Variants in ZNF536 observed in about 807,000 individuals in gnomAD.
ZNF536 encodes zinc finger protein 536.
Under a neutral mutation model 84.5 loss-of-function variants are expected in ZNF536, and 13 were observed. The observed-to-expected ratio is 0.15, with a 90% CI of 0.10 to 0.24. The LOEUF (loss-of-function observed/expected upper bound fraction) is 0.24, where lower values mean the gene tolerates loss of function less well. ZNF536 is among the 10% of genes least tolerant of loss of function. ZNF536 has a pLI of 1.00. For missense variants in ZNF536, 1,536 were observed against 1,747.5 expected, an observed-to-expected ratio of 0.88 and a Z score of 2.16; for synonymous variants, 811 against 742.5, an observed-to-expected ratio of 1.09 and a Z score of -1.50.
At chr19:30,674,760 C>G (rs549935080) in intron 1 of ZNF536, among the ~76,000 whole-genome samples, 3 of 152,290 alleles carry the variant, frequency 2.0e-5, no homozygotes, top group African/African-American at 7.2e-5. Flanking sequence ...ATAAAAGCCT[C>G]CTGTATAGTG....
At chr19:30,612,313 G>T (rs536169673) in intron 1 of ZNF536, among the ~76,000 whole-genome samples, 3 of 152,178 alleles carry the variant, frequency 2.0e-5, no homozygotes, top group Admixed American at 2.0e-4. Context: ...TTGGATATAA[G>T]TAATTAGATT....
At chr19:30,368,436 C>T (rs560318924), upstream of ZNF536, among the ~76,000 whole-genome samples, 4 of 152,256 alleles carry the variant, frequency 2.6e-5, no homozygotes, top group South Asian at 8.3e-4. Context: ...TTGCCTTTGC[C>T]CTTTGCAACT....
intron 1 of ZNF536, among the ~76,000 whole-genome samples, chr19:30,632,126 TGTGA>T (rs1207109239): frequency 1.3e-5 from 2 of 152,206 alleles, no homozygotes; most frequent in Non-Finnish European, 2.9e-5. Flanking sequence ...AACTATTAAC[TGTGA>T]GTAATAGTTC....
chr19:30,385,164 T>C (rs185646849), intron 1 of ZNF536, among the ~76,000 whole-genome samples: 25 of 152,064 alleles, frequency 1.6e-4, no homozygotes, highest in African/African-American at 5.5e-4. Flanking sequence ...TCCTTCTCTT[T>C]CATTCAGGGT....
At chr19:30,646,790 G>A (rs1484034023) in intron 1 of ZNF536, among the ~76,000 whole-genome samples, 6 of 152,184 alleles carry the variant, frequency 3.9e-5, no homozygotes, top group East Asian at 1.9e-4. Flanking sequence ...CCTGCCCTCC[G>A]ACGTTACACC....
chr19:30,396,592 C>CTTTTTTTTTTT (rs386388859), intron 1 of ZNF536, among the ~76,000 whole-genome samples: 1 of 112,402 alleles, frequency 8.9e-6, no homozygotes, highest in Non-Finnish European at 1.8e-5. Context: ...AGGGCTCTCT[C>CTTTTTTTTTTT]TTTTTTTTTT....
chr19:30,710,097 G>A (rs1314198200), intron 1 of ZNF536, among the ~76,000 whole-genome samples: 1 of 152,154 alleles, frequency 6.6e-6, no homozygotes, highest in African/African-American at 2.4e-5. Context: ...AGGAATATTT[G>A]TTTCCTGTCT....
intron 1 of ZNF536, among the ~76,000 whole-genome samples, chr19:30,234,286 G>A (rs1269837876): frequency 6.6e-6 from 1 of 152,098 alleles, no homozygotes; most frequent in African/African-American, 2.4e-5. Context: ...CTGGCTCCTG[G>A]GGAGTATATT....
At chr19:30,656,221 T>C (rs1282592669) in intron 1 of ZNF536, among the ~76,000 whole-genome samples, 1 of 152,196 alleles carries the variant, frequency 6.6e-6, no homozygotes, top group African/African-American at 2.4e-5. Flanking sequence ...CCTGGTCTTC[T>C]GAATTGGGAA....
chr19:30,611,212 A>T (rs2048095073), intron 1 of ZNF536, among the ~76,000 whole-genome samples: 1 of 152,148 alleles, frequency 6.6e-6, no homozygotes, highest in Non-Finnish European at 1.5e-5. Flanking sequence ...CTCCAAGATG[A>T]TGGGAAGCAG....
At chr19:30,494,251 G>C (rs2054624067) in intron 2 of ZNF536, among the ~76,000 whole-genome samples, 1 of 152,190 alleles carries the variant, frequency 6.6e-6, no homozygotes, top group African/African-American at 2.4e-5. Flanking sequence ...AGGCCCCTGG[G>C]ATGAGAAGTT....
chr19:30,495,585 C>G (rs1202239582), intron 2 of ZNF536, among the ~76,000 whole-genome samples: 1 of 152,200 alleles, frequency 6.6e-6, no homozygotes, highest in South Asian at 2.1e-4. Flanking sequence ...CAAATACAAC[C>G]TCTTATACAC....
intron 2 of ZNF536, among the ~76,000 whole-genome samples, chr19:30,486,686 C>T (rs1258430040): frequency 6.6e-6 from 1 of 152,182 alleles, no homozygotes; most frequent in African/African-American, 2.4e-5. Flanking sequence ...CACTGACTTC[C>T]TCAATGGGTG....
intron 1 of ZNF536, among the ~76,000 whole-genome samples, chr19:30,379,373 G>A (rs958056658): frequency 8.6e-5 from 13 of 151,990 alleles, no homozygotes; most frequent in African/African-American, 2.4e-4. Context: ...TTCTTTGAGC[G>A]TCAGTCATGG....
chr19:30,601,382 G>A (rs922562570), intron 1 of ZNF536, among the ~76,000 whole-genome samples: 10 of 152,166 alleles, frequency 6.6e-5, no homozygotes, highest in Admixed American at 3.3e-4. Flanking sequence ...CGTGAGTCAC[G>A]TGGGCAGCAG....
chr19:30,358,720 G>A (rs1437191920), intron 3 of ZNF536, among the ~76,000 whole-genome samples: 2 of 152,242 alleles, frequency 1.3e-5, no homozygotes, highest in East Asian at 1.9e-4. Context: ...AGGCCAGGAC[G>A]CTGGCCCTGA....
At chr19:30,312,227 C>T (rs1032150944) in intron 2 of ZNF536, among the ~76,000 whole-genome samples, 3 of 151,996 alleles carry the variant, frequency 2.0e-5, no homozygotes, top group Non-Finnish European at 4.4e-5. Context: ...TCCAGGATGG[C>T]GAGGTGCATG....
At chr19:30,342,822 C>T (rs1287932383) in intron 2 of ZNF536, among the ~76,000 whole-genome samples, 1 of 152,142 alleles carries the variant, frequency 6.6e-6, no homozygotes, top group African/African-American at 2.4e-5. Flanking sequence ...ATAAAGTTGC[C>T]AAGCACAGCA....
chr19:30,399,839 C>G (rs569491202), intron 1 of ZNF536, among the ~76,000 whole-genome samples: 4 of 152,048 alleles, frequency 2.6e-5, no homozygotes, highest in Non-Finnish European at 4.4e-5. Context: ...AGGCGCCCAC[C>G]ACCATGCCCA....
Sources: gnomAD v4.1 joint callset for allele counts (sites outside exome capture counted in the v4.1 genomes callset) on GRCh38, gnomAD v4.1.1 for gene constraint, MANE v1.5 for transcripts, NCBI Gene and HGNC (gene_info 2026-07-23, HGNC 2026-07-21) for gene names.